Variants in XPA observed in about 807,000 individuals in gnomAD.
XPA encodes the protein DNA repair protein complementing XP-A cells.
A neutral mutation model predicts 35.7 loss-of-function variants in XPA; 27 were observed. The ratio of observed to expected loss-of-function variants is 0.76; its 90% CI spans 0.56 to 1.04. The LOEUF (loss-of-function observed/expected upper bound fraction) is 1.04, where lower values mean the gene tolerates loss of function less well. Among genes scored for constraint, XPA ranks in the 50% least tolerant of loss-of-function variants. The probability of loss-of-function intolerance (pLI) is 0.00; values close to 1 mark genes in which losing one functional copy is unlikely to be tolerated. For synonymous variants in XPA, 133 were observed against 118.4 expected (o/e 1.12, Z -0.80); for missense variants, 354 against 342.7 (o/e 1.03, Z -0.26).
At chr9:97,671,249 TTG>T (rs1190554426), downstream of XPA, 7 of 1,331,526 alleles carry the variant, frequency 5.3e-6, no homozygotes, top group South Asian at 1.3e-5. Context: ...TTAAAATAAT[TTG>T]TCTTATTTTT....
At position 97,693,675 on chromosome 9, in the gene XPA, T is replaced by G. The variant is rs1828957829; in HGVS notation, c.257A>C (p.Lys86Thr). 1.2e-6 allele frequency: 2 copies of G among 1,613,598 alleles called. No homozygotes were observed. Among genetic ancestry groups the G allele is most frequent in the East Asian group, 4.5e-5 (2 of 44,814 alleles). ...ILEEEEEEEQ[K>T]IGKVVHQPGP... The stretch of plus-strand genomic sequence containing the variant: ...TGGTTGATGAACAACTTTTCCAATT[T>G]TCTGTTCTTCTTCTTCTTCCTCTTC... The change falls in exon 2 of 6, where the codon AAA becomes ACA. Residue 86 changes from lysine to threonine, a missense_variant. By Grantham distance (78) the Lys-to-Thr change is moderately conservative. Transcript: ENST00000375128.
At chr9:97,656,934 G>A in the XPA span, among the ~76,000 whole-genome samples, 15 of 152,236 alleles carry the variant, frequency 9.9e-5, no homozygotes, top group Admixed American at 3.3e-4. Flanking sequence ...CCCAACACCT[G>A]TATTTCCTGT....
chr9:97,695,053 A>G (rs1829000764), intron 1 of XPA, among the ~76,000 whole-genome samples: 1 of 152,220 alleles, frequency 6.6e-6, no homozygotes, highest in South Asian at 2.1e-4. Flanking sequence ...AAATGGTCAG[A>G]AGAGTATTAC....
chr9:97,675,926 G>A (rs1253395675), intron 5 of XPA: 1 of 286,298 alleles, frequency 3.5e-6, no homozygotes, highest in African/African-American at 2.2e-5. Flanking sequence ...TTTGACTTCA[G>A]ATAACAGAAT....
At chr9:97,661,212 T>C in the XPA span, 14 of 863,870 alleles carry the variant, frequency 1.6e-5, no homozygotes, top group Admixed American at 6.1e-5. Flanking sequence ...GCACCCCAGG[T>C]ATTTTCCCCT....
Position 97,687,157 on chromosome 9 carries a change from A to G in XPA, c.494T>C (p.Ile165Thr), listed in dbSNP as rs1828743987. Residue 165 changes from isoleucine (I) to threonine (T), a missense_variant, in exon 4 of 6, where the codon ATT (isoleucine) becomes ACT (threonine). Ile to Thr is a moderately conservative substitution (Grantham distance 89). Coordinates refer to ENST00000375128, the MANE Select transcript of XPA (RefSeq NM_000380.4). ...LEKREPPLKFIVKKNPHHSQW... is the reference protein window; with the variant it reads ...LEKREPPLKFTVKKNPHHSQW... Reference sequence around the variant, plus strand: ...TGAATGATGTGGATTCTTCTTCACAATAAATTTAAGAGGTGGCTCTCTTTT... The same window carrying G: ...TGAATGATGTGGATTCTTCTTCACAGTAAATTTAAGAGGTGGCTCTCTTTT... 6.2e-7 allele frequency: 1 copy of G among 1,612,930 alleles called. No homozygotes were observed. Among genetic ancestry groups the G allele is most frequent in the Non-Finnish European group, 8.5e-7 (1 of 1,179,712 alleles).
chr9:97,655,952 C>A, the XPA span: 1 of 1,490,216 alleles, frequency 6.7e-7, no homozygotes. Flanking sequence ...AATTATAGTA[C>A]AAATGGGTGT....
At chr9:97,668,307 A>G in the XPA span, among the ~76,000 whole-genome samples, 6 of 152,216 alleles carry the variant, frequency 3.9e-5, no homozygotes, top group Non-Finnish European at 7.3e-5. Context: ...ATTAAATTCT[A>G]TAAACTCTTC....
At chr9:97,696,815 C>T (rs1829056245) in intron 1 of XPA, among the ~76,000 whole-genome samples, 1 of 152,210 alleles carries the variant, frequency 6.6e-6, no homozygotes, top group African/African-American at 2.4e-5. Context: ...TGACACCTCC[C>T]GGCCGGGGCG....
At chr9:97,662,886 G>C in the XPA span, 1 of 1,169,866 alleles carries the variant, frequency 8.5e-7, no homozygotes, top group Middle Eastern at 2.5e-4. Flanking sequence ...CATTGAAAAG[G>C]CTTTGAAAAC....
the XPA span, chr9:97,669,033 T>C: frequency 2.0e-6 from 3 of 1,484,834 alleles, no homozygotes; most frequent in South Asian, 1.3e-5. Flanking sequence ...TTAGTTTTAG[T>C]TTTTAAAAAT....
intron 5 of XPA, among the ~76,000 whole-genome samples, chr9:97,680,641 TGTC>T (rs922260405): frequency 1.3e-5 from 2 of 152,178 alleles, no homozygotes; most frequent in African/African-American, 4.8e-5. Context: ...ATATGGCAAA[TGTC>T]AACATCAGGT....
chr9:97,669,580 T>C, the XPA span: 3 of 1,568,740 alleles, frequency 1.9e-6, no homozygotes, highest in African/African-American at 2.7e-5. Context: ...CTTAACTTCT[T>C]CTCCCTTTCC....
intron 5 of XPA, 142 bp from the exon 6 acceptor site, chr9:97,675,729 A>G (rs1440584889): frequency 9.3e-7 from 1 of 1,076,456 alleles, no homozygotes; most frequent in Non-Finnish European, 1.4e-6. Flanking sequence ...TTAATTTTAT[A>G]ACAAAGTTGA....
At chr9:97,670,967 T>C (rs1828172502), downstream of XPA, 1 of 584,442 alleles carries the variant, frequency 1.7e-6, no homozygotes, top group Admixed American at 3.5e-5. Flanking sequence ...ATCAGCACTT[T>C]TTTTTCCCCT....
At chr9:97,685,102 T>C (rs893788143) in intron 4 of XPA, 62 bp from the exon 5 acceptor site, 13 of 1,386,188 alleles carry the variant, frequency 9.4e-6, no homozygotes, top group Admixed American at 6.8e-5. Flanking sequence ...ATTATAGTTA[T>C]AACTGTCAAA....
chr9:97,656,060 A>G, the XPA span: 1 of 1,614,034 alleles, frequency 6.2e-7, no homozygotes, highest in Non-Finnish European at 8.5e-7. Context: ...GAAGTTTGTA[A>G]GAGAAGTTCT....
intron 5 of XPA, among the ~76,000 whole-genome samples, chr9:97,676,533 G>A (rs1388820979): frequency 1.3e-5 from 2 of 152,150 alleles, no homozygotes. Context: ...CATACATCAA[G>A]TAATCACATA....
At chr9:97,693,141 A>T (rs2131405245) in intron 2 of XPA, among the ~76,000 whole-genome samples, 1 of 152,170 alleles carries the variant, frequency 6.6e-6, no homozygotes, top group Admixed American at 6.5e-5. Flanking sequence ...TTTTTCCCAA[A>T]GAGTGTGAAA....
Sources: gnomAD v4.1 joint callset for allele counts (sites outside exome capture counted in the v4.1 genomes callset) on GRCh38, gnomAD v4.1.1 for gene constraint, MANE v1.5 for transcripts, NCBI Gene and HGNC (gene_info 2026-07-23, HGNC 2026-07-21) for gene names.